MCCC1: variants seen among roughly 807,000 people sequenced by gnomAD.
The protein encoded by MCCC1 is methylcrotonyl-CoA carboxylase subunit 1, also known as methylcrotonoyl-CoA carboxylase subunit alpha, mitochondrial.
In MCCC1, 64 loss-of-function variants were observed where a neutral mutation model predicts 83.8. The observed-to-expected ratio is 0.76, with a 90% CI of 0.62 to 0.94. MCCC1 has a LOEUF of 0.94. Ranked by LOEUF, MCCC1 falls within the 40% of genes least tolerant of loss-of-function variation. The pLI is 0.00. For synonymous variants in MCCC1, 322 were observed against 315.4 expected (o/e 1.02, Z -0.22); for missense variants, 807 against 904.7 (o/e 0.89, Z 1.39).
intron 7 of MCCC1, among the ~76,000 whole-genome samples, chr3:183,067,643 A>T (rs1424342670): frequency 6.6e-6 from 1 of 152,202 alleles, no homozygotes; most frequent in Non-Finnish European, 1.5e-5. Context: ...TGATCCCTGG[A>T]TGCTGCTCAG....
intron 7 of MCCC1, among the ~76,000 whole-genome samples, chr3:183,058,340 C>T (rs1715579216): frequency 6.6e-6 from 1 of 152,144 alleles, no homozygotes; most frequent in African/African-American, 2.4e-5. Context: ...AAGGGCCGGG[C>T]ACAGTGCCTC....
intron 1 of MCCC1, among the ~76,000 whole-genome samples, chr3:183,098,122 G>T (rs922548309): frequency 6.6e-6 from 1 of 152,130 alleles, no homozygotes; most frequent in Non-Finnish European, 1.5e-5. Context: ...GTACAGACGG[G>T]GTTTCACCGT....
At chr3:183,105,287 T>C (rs1345513122) in intron 1 of MCCC1, among the ~76,000 whole-genome samples, 1 of 152,104 alleles carries the variant, frequency 6.6e-6, no homozygotes, top group African/African-American at 2.4e-5. Flanking sequence ...AAGGTTGCAG[T>C]GAGCTGAGGT....
chr3:183,049,449 T>C (rs1243130198), intron 9 of MCCC1, among the ~76,000 whole-genome samples: 3 of 151,658 alleles, frequency 2.0e-5, no homozygotes, highest in East Asian at 3.9e-4. Context: ...CGTGCACCTG[T>C]AGTTCCCAGC....
upstream of MCCC1, among the ~76,000 whole-genome samples, chr3:183,103,927 G>A (rs1455423694): frequency 2.0e-5 from 3 of 152,322 alleles, no homozygotes; most frequent in African/African-American, 4.8e-5. Flanking sequence ...GAAATCCAGC[G>A]CAGCGCCGGT....
chr3:183,042,234 A>T (rs1714149325), intron 10 of MCCC1, among the ~76,000 whole-genome samples: 1 of 152,230 alleles, frequency 6.6e-6, no homozygotes, highest in South Asian at 2.1e-4. Context: ...TGGGTGATAA[A>T]GCAAAACAGA....
chr3:183,115,561 C>T (rs1001715087), exon 1 of MCCC1: 1 of 152,286 alleles, frequency 6.6e-6, no homozygotes, highest in African/African-American at 2.4e-5. Context: ...GAGAGAAGGT[C>T]CTAAATGCTG....
chr3:183,068,804 A>T (rs2108522340), intron 7 of MCCC1, among the ~76,000 whole-genome samples: 1 of 152,316 alleles, frequency 6.6e-6, no homozygotes, highest in South Asian at 2.1e-4. Context: ...ACAAATACTT[A>T]CCATTGTGTT....
In MCCC1 at chr3:183,041,572, C is replaced by G; in HGVS notation, c.1262G>C (p.Arg421Pro). ...DPSTRIETGV[R>P]QGDEVSVHYD... ...TTCATTTTCTTTCACTTTACCTTGC[C>G]GTACTCCAGTTTCAATCCTGGTGGA... is the stretch of plus-strand genomic sequence containing the variant. The change falls in exon 11 of 19, where the codon CGG (arginine) becomes CCG (proline). Residue 421 changes from arginine to proline, a missense_variant. Arg to Pro is a moderately radical substitution (Grantham distance 103, BLOSUM62 -2). Transcript: ENST00000265594. 6.2e-7 allele frequency: 1 copy of G among 1,613,944 alleles called. No homozygotes were observed.
chr3:183,038,005 C>T (rs2108472053), intron 12 of MCCC1, among the ~76,000 whole-genome samples: 1 of 152,268 alleles, frequency 6.6e-6, no homozygotes, highest in East Asian at 1.9e-4. Flanking sequence ...GCTATCTGAG[C>T]TTTGGGTTCA....
At chr3:183,018,049 G>A (rs1423177955) in intron 17 of MCCC1, among the ~76,000 whole-genome samples, 5 of 152,074 alleles carry the variant, frequency 3.3e-5, no homozygotes, top group Non-Finnish European at 5.9e-5. Context: ...CAGCCCAAAT[G>A]CACTGGTCAA....
At chr3:183,042,324 A>G (rs762097759) in intron 10 of MCCC1, among the ~76,000 whole-genome samples, 10 of 152,232 alleles carry the variant, frequency 6.6e-5, no homozygotes, top group Non-Finnish European at 1.3e-4. Flanking sequence ...GGTGATCACT[A>G]TTGTTTGTTG....
intron 1 of MCCC1, among the ~76,000 whole-genome samples, chr3:183,109,564 T>C (rs1672993513): frequency 1.3e-5 from 2 of 152,344 alleles, no homozygotes; most frequent in Admixed American, 6.5e-5. Context: ...GCTGCATCCA[T>C]GTTGCTGCAA....
chr3:183,076,348 T>C (rs764561273), intron 4 of MCCC1, among the ~76,000 whole-genome samples: 7 of 152,234 alleles, frequency 4.6e-5, no homozygotes, highest in African/African-American at 9.6e-5. Flanking sequence ...ATTCATGTTA[T>C]GGAGTGTGTC....
At chr3:183,061,549 G>C (rs77881716) in intron 7 of MCCC1, among the ~76,000 whole-genome samples, 3 of 152,272 alleles carry the variant, frequency 2.0e-5, no homozygotes, top group African/African-American at 7.2e-5. Flanking sequence ...GCCCCAAGGA[G>C]TTTCTCACTT....
Position 183,037,242 on chromosome 3 carries a change from C to T in MCCC1, c.1570G>A (p.Asp524Asn), listed in dbSNP as rs200031275. ...GLILKEKAMTDTFTLQAHDQF... is the reference protein window; with the variant it reads ...GLILKEKAMTNTFTLQAHDQF... The stretch of plus-strand genomic sequence containing the variant: ...CCATGTGCCTGAAGAGTGAAAGTGT[C>T]GGTCATGGCTTTCTCCTTGAGGATG... The change falls in exon 13 of 19, where the codon GAC becomes AAC. Residue 524 changes from aspartate (D) to asparagine (N), a missense_variant. Transcript: ENST00000265594. 5.4e-5 allele frequency: 87 copies of T among 1,613,756 alleles called. No homozygotes were observed. In the Admixed American group the frequency reaches 1.3e-3, roughly 23 times the overall value.
intron 7 of MCCC1, among the ~76,000 whole-genome samples, chr3:183,058,196 CTTACAG>C (rs998527779): frequency 1.3e-4 from 20 of 152,192 alleles, no homozygotes; most frequent in Admixed American, 1.2e-3. Context: ...TTAAGCAACT[CTTACAG>C]TTAGATTTTA....
chr3:183,033,281 A>G (rs1327473004), intron 14 of MCCC1, among the ~76,000 whole-genome samples: 2 of 152,246 alleles, frequency 1.3e-5, no homozygotes, highest in Non-Finnish European at 2.9e-5. Flanking sequence ...TTTACAATCA[A>G]AAATCAATTT....
rs574246641 is a variant in MCCC1, at chr3:183,047,814, A to G, written c.956-2274T>C. Among the ~76,000 whole-genome samples, 70 of 152,342 alleles carry G rather than the reference A, an allele frequency of 4.6e-4. 1 individual carries two copies. The highest frequency in any genetic ancestry group is 1.7e-3 in the African/African-American group (70 of 41,580). On this transcript the variant is annotated intron_variant, in intron 9 of 18. Coordinates refer to ENST00000265594, the MANE Select transcript of MCCC1 (RefSeq NM_020166.5). ...AAAACAGTGAGAAAAAAAACCTTAAACAGAACAATACCTAGCACTGCAAGA... is the reference window on the plus strand; with the variant it reads ...AAAACAGTGAGAAAAAAAACCTTAAGCAGAACAATACCTAGCACTGCAAGA...
Sources: gnomAD v4.1 joint callset for allele counts (sites outside exome capture counted in the v4.1 genomes callset) on GRCh38, gnomAD v4.1.1 for gene constraint, MANE v1.5 for transcripts, NCBI Gene and HGNC (gene_info 2026-07-23, HGNC 2026-07-21) for gene names.